Variants in ANO3 observed in about 807,000 individuals in gnomAD.
ANO3 encodes the protein anoctamin-3.
Under a neutral mutation model 144.8 loss-of-function variants are expected in ANO3, and 99 were observed. The ratio of observed to expected loss-of-function variants is 0.68; its 90% confidence interval spans 0.58 to 0.81. The LOEUF (loss-of-function observed/expected upper bound fraction) is 0.81, where lower values mean the gene tolerates loss of function less well. Among genes scored for constraint, ANO3 ranks in the 30% least tolerant of loss-of-function variants. The probability of loss-of-function intolerance (pLI) is 0.00; values close to 1 mark genes in which losing one functional copy is unlikely to be tolerated. For missense variants in ANO3, 905 were observed against 1,202.2 expected (o/e 0.75, Z 3.66); for synonymous variants, 414 against 392.6 (o/e 1.05, Z -0.64).
intron 3 of ANO3, among the ~76,000 whole-genome samples, chr11:26,456,899 A>C (rs10834980): frequency 0.88 from 125,793 of 142,890 alleles, 56,014 homozygotes; most frequent in East Asian, 1. Flanking sequence ...GCAGCCATAA[A>C]AAATGATGAG....
chr11:26,332,281 C>T lies in ANO3; in HGVS notation c.6C>T (p.Val2=), dbSNP rs1263302337. Residue 2 remains valine, a synonymous_variant, in exon 1 of 27, where the codon GTC becomes GTT. Transcript: ENST00000256737. M[V]HHSGSIQSFK... ...CTGGGACGCGCAGAGTGAAAATGGTCCACCATTCAGGCTCCATTCAGTCCT... is the reference window on the plus strand; with the variant it reads ...CTGGGACGCGCAGAGTGAAAATGGTTCACCATTCAGGCTCCATTCAGTCCT... 3 of 1,613,804 alleles carry T rather than the reference C, an allele frequency of 1.9e-6. No homozygotes were observed. In the African/African-American group the frequency reaches 4.0e-5, roughly 22 times the overall value.
In ANO3 at chr11:26,508,244, C is replaced by T. The variant is rs1270825104; in HGVS notation, c.573C>T (p.Gly191=). 8.8e-6 allele frequency: 14 copies of T among 1,592,322 alleles called. No individual in the cohort carries two copies. In the Admixed American group the frequency reaches 2.2e-4, roughly 25 times the overall value. ...NTFEKNLRAE[G]LMLEKEPAIA... is the part of the protein sequence containing the mutation. ...TTGAAAAGAACCTCAGAGCAGAAGG[C>T]TTGATGTTGGAGAAGGAGGTAGGTG... The change falls in exon 5 of 27, where the codon GGC becomes GGT. Residue 191 remains glycine (G), a synonymous_variant. Transcript: ENST00000256737.
intron 3 of ANO3, among the ~76,000 whole-genome samples, chr11:26,444,441 C>A (rs1424952366): frequency 6.6e-6 from 1 of 152,124 alleles, no homozygotes; most frequent in East Asian, 1.9e-4. Context: ...TATTTTGCAA[C>A]CTCAGTGCCT....
chr11:26,509,476 C>T (rs1419094783), intron 5 of ANO3, among the ~76,000 whole-genome samples: 1 of 151,934 alleles, frequency 6.6e-6, no homozygotes, highest in East Asian at 1.9e-4. Context: ...CCGTGCCCAC[C>T]TAAGTTTTGT....
chr11:26,569,413 C>T (rs1850730599), intron 14 of ANO3, among the ~76,000 whole-genome samples: 2 of 152,034 alleles, frequency 1.3e-5, no homozygotes, highest in South Asian at 4.1e-4. Flanking sequence ...CCTGACATTG[C>T]AGTAGGGACA....
intron 1 of ANO3, among the ~76,000 whole-genome samples, chr11:26,232,732 C>A (rs1394055466): frequency 1.3e-5 from 2 of 152,166 alleles, no homozygotes; most frequent in African/African-American, 4.8e-5. Flanking sequence ...GCAAAGACTT[C>A]ATGACTAAAA....
intron 7 of ANO3, among the ~76,000 whole-genome samples, chr11:26,530,507 T>G (rs1159564000): frequency 9.9e-6 from 1 of 100,634 alleles, no homozygotes; most frequent in Non-Finnish European, 2.3e-5. Flanking sequence ...CTATCATCTA[T>G]CTATCTACAT....
intron 1 of ANO3, among the ~76,000 whole-genome samples, chr11:26,268,526 T>C (rs1253684111): frequency 6.6e-6 from 1 of 152,106 alleles, no homozygotes; most frequent in Admixed American, 6.6e-5. Flanking sequence ...CTCTTTTACT[T>C]GAAAAAAAAC....
intron 13 of ANO3, among the ~76,000 whole-genome samples, chr11:26,553,841 C>T (rs137995356): frequency 2.4e-4 from 37 of 152,150 alleles, no homozygotes; most frequent in African/African-American, 6.0e-4. Context: ...ACATGAATAT[C>T]GGTGTATTTC....
intron 1 of ANO3, among the ~76,000 whole-genome samples, chr11:26,426,691 G>T (rs1243875210): frequency 6.6e-6 from 1 of 152,146 alleles, no homozygotes; most frequent in Non-Finnish European, 1.5e-5. Context: ...GAGCTGCCTT[G>T]TGCCACAACT....
intron 1 of ANO3, among the ~76,000 whole-genome samples, chr11:26,255,387 AC>A: frequency 6.6e-6 from 1 of 152,296 alleles, no homozygotes; most frequent in Admixed American, 6.5e-5. Flanking sequence ...CAACTCAGAT[AC>A]TTTTTTGGAT....
At chr11:26,388,578 G>A (rs1856793713) in intron 1 of ANO3, among the ~76,000 whole-genome samples, 1 of 152,072 alleles carries the variant, frequency 6.6e-6, no homozygotes, top group Non-Finnish European at 1.5e-5. Context: ...TCTAATTTAA[G>A]CCTTTACAAT....
intron 1 of ANO3, among the ~76,000 whole-genome samples, chr11:26,245,522 T>G (rs778372186): frequency 6.6e-5 from 10 of 152,206 alleles, no homozygotes; most frequent in Non-Finnish European, 1.2e-4. Context: ...CCTTCCCTGA[T>G]TTTGTTATTA....
At chr11:26,477,999 A>G (rs1047196959) in intron 4 of ANO3, among the ~76,000 whole-genome samples, 1 of 152,174 alleles carries the variant, frequency 6.6e-6, no homozygotes, top group African/African-American at 2.4e-5. Context: ...TAACAATACA[A>G]TCATAAAACT....
intron 1 of ANO3, among the ~76,000 whole-genome samples, chr11:26,232,790 A>G (rs929599073): frequency 6.6e-6 from 1 of 152,206 alleles, no homozygotes; most frequent in Non-Finnish European, 1.5e-5. Flanking sequence ...ATGGGATCTA[A>G]TCAAACTAAA....
At chr11:26,464,830 T>C (rs928675128) in intron 4 of ANO3, among the ~76,000 whole-genome samples, 2 of 151,872 alleles carry the variant, frequency 1.3e-5, no homozygotes, top group African/African-American at 2.4e-5. Flanking sequence ...AGTGACTTGT[T>C]CTTCTAGCTT....
At chr11:26,546,233 TG>T (rs1207092896) in intron 11 of ANO3, among the ~76,000 whole-genome samples, 1 of 151,944 alleles carries the variant, frequency 6.6e-6, no homozygotes, top group East Asian at 1.9e-4. Context: ...ATACTATTAT[TG>T]TATGAGAAAT....
At chr11:26,449,371 C>G (rs1274245099) in intron 3 of ANO3, among the ~76,000 whole-genome samples, 1 of 152,088 alleles carries the variant, frequency 6.6e-6, no homozygotes, top group Non-Finnish European at 1.5e-5. Context: ...GCACCAGAAT[C>G]AGGAATAGTA....
At chr11:26,298,648 C>T (rs1323164231) in intron 1 of ANO3, among the ~76,000 whole-genome samples, 3 of 152,186 alleles carry the variant, frequency 2.0e-5, no homozygotes, top group East Asian at 1.9e-4. Context: ...TCACCTAGCT[C>T]ATGTCTACTC....
Sources: gnomAD v4.1 joint callset for allele counts (sites outside exome capture counted in the v4.1 genomes callset) on GRCh38, gnomAD v4.1.1 for gene constraint, MANE v1.5 for transcripts, NCBI Gene and HGNC (gene_info 2026-07-23, HGNC 2026-07-21) for gene names.